Variants in KLHL18 observed in about 807,000 individuals in gnomAD.
KLHL18 encodes the protein kelch like family member 18.
Under a neutral mutation model 58.5 loss-of-function variants are expected in KLHL18, and 38 were observed. The observed-to-expected ratio is 0.65, with a 90% CI of 0.50 to 0.85. KLHL18 has a LOEUF of 0.85. Ranked by LOEUF, KLHL18 falls within the 40% of genes least tolerant of loss-of-function variation. The pLI, the probability that KLHL18 is intolerant of heterozygous loss-of-function variation, is 0.00. For missense variants in KLHL18, 624 were observed against 778.4 expected, an observed-to-expected ratio of 0.80 and a Z score of 2.36; for synonymous variants, 303 against 301.9, an observed-to-expected ratio of 1.00 and a Z score of -0.04.
intron 1 of KLHL18, among the ~76,000 whole-genome samples, chr3:47,296,211 T>A (rs295443): frequency 2.0e-5 from 3 of 152,280 alleles, no homozygotes; most frequent in South Asian, 4.1e-4. Context: ...CTCCCCTTAC[T>A]GGTCTGAGCA....
chr3:47,331,800 CA>C lies in KLHL18; in HGVS notation c.601-1356del, dbSNP rs535790644. Among the ~76,000 whole-genome samples, 11 of 150,650 alleles carry C rather than the reference CA, an allele frequency of 7.3e-5. No individual in the cohort carries two copies. In the East Asian group the frequency reaches 2.1e-3, roughly 29 times the overall value. Reference sequence around the variant, plus strand: ...TATTTGACTGCTGTTGGGAGTTTTCCAGAAGAGAGGGAAGAATTGATAATAT... The same window carrying C: ...TATTTGACTGCTGTTGGGAGTTTTCCGAAGAGAGGGAAGAATTGATAATAT... On this transcript the variant is annotated intron_variant, in intron 4 of 9. Coordinates refer to ENST00000232766, the MANE Select transcript of KLHL18 (RefSeq NM_025010.5).
At chr3:47,307,791 A>G (rs1172298374) in intron 1 of KLHL18, among the ~76,000 whole-genome samples, 1 of 152,108 alleles carries the variant, frequency 6.6e-6, no homozygotes, top group Non-Finnish European at 1.5e-5. Flanking sequence ...TCCCAACACC[A>G]TTTTTTAAGT....
intron 1 of KLHL18, among the ~76,000 whole-genome samples, chr3:47,309,826 C>G (rs1290797789): frequency 6.6e-6 from 1 of 152,128 alleles, no homozygotes; most frequent in Admixed American, 6.6e-5. Flanking sequence ...AGCGAAACCC[C>G]GTCTCCACCA....
intron 1 of KLHL18, among the ~76,000 whole-genome samples, chr3:47,304,583 G>A (rs547081727): frequency 1.3e-5 from 2 of 152,182 alleles, no homozygotes; most frequent in South Asian, 4.2e-4. Flanking sequence ...TTTAAATTTT[G>A]GTTTCCAAGT....
chr3:47,343,859 C>T lies in KLHL18; in HGVS notation c.1643C>T (p.Thr548Ile). ...LSSVEMYDPE[T>I]DCWTFMAPMA... Reference sequence around the variant, plus strand: ...TCAGTGGAGATGTATGACCCAGAGACAGACTGCTGGACATTCATGGCCCCC... The same window carrying T: ...TCAGTGGAGATGTATGACCCAGAGATAGACTGCTGGACATTCATGGCCCCC... Residue 548 changes from threonine to isoleucine, a missense_variant, in exon 10 of 10, where the codon ACA (threonine) becomes ATA (isoleucine). By Grantham distance (89) the Thr-to-Ile change is moderately conservative (BLOSUM62 -1). Transcript: ENST00000232766. The T allele has an allele frequency of 6.2e-7, 1 of 1,614,196 alleles. No homozygotes were observed. Among genetic ancestry groups the T allele is most frequent in the Non-Finnish European group, 8.5e-7 (1 of 1,180,040 alleles).
rs189520002 is a variant in KLHL18, at chr3:47,345,849, C to T, written c.*1908C>T. On this transcript the variant is annotated 3_prime_UTR_variant, in exon 10 of 10. Transcript: ENST00000232766. ...TCGCCATGTATTCAGAGGGAAGTAC[C>T]TTTGTTACCTACAACTTAGGAGCTA... The T allele has an allele frequency of 6.5e-6, 1 of 152,700 alleles. No individual in the cohort carries two copies. Among genetic ancestry groups the T allele is most frequent in the East Asian group, 1.9e-4 (1 of 5,180 alleles). The allele number at this position is 152,700 out of a possible 1,614,324, so 9.5% of individuals were successfully genotyped here. A position where few individuals can be genotyped will look rare whatever the true frequency, so the allele number is the denominator to read the frequency against.
chr3:47,302,405 A>C (rs966796693), intron 1 of KLHL18, among the ~76,000 whole-genome samples: 5 of 152,222 alleles, frequency 3.3e-5, no homozygotes, highest in Non-Finnish European at 7.3e-5. Flanking sequence ...GAATTGCTTA[A>C]ACCCAGGAGG....
intron 2 of KLHL18, 113 bp from the exon 3 acceptor site, chr3:47,322,455 A>G (rs1703610689): frequency 1.0e-6 from 1 of 1,002,192 alleles, no homozygotes; most frequent in Non-Finnish European, 1.4e-6. Context: ...ACTCCATTAG[A>G]TAGATTCTCA....
At chr3:47,333,372 G>T (rs967530427) in intron 5 of KLHL18, 55 bp downstream of exon 5, 2 of 1,539,160 alleles carry the variant, frequency 1.3e-6, no homozygotes, top group East Asian at 2.3e-5. Flanking sequence ...CAGGGAAGAG[G>T]AGTTGGCCAC....
chr3:47,315,634 C>T (rs886933406), intron 1 of KLHL18, among the ~76,000 whole-genome samples: 1 of 152,152 alleles, frequency 6.6e-6, no homozygotes, highest in Admixed American at 6.6e-5. Flanking sequence ...ATCAAATGGC[C>T]GATTCTTGCC....
intron 1 of KLHL18, among the ~76,000 whole-genome samples, chr3:47,295,429 C>G (rs887188651): frequency 3.3e-5 from 5 of 152,162 alleles, no homozygotes; most frequent in Non-Finnish European, 7.3e-5. Context: ...GGCCTTTGCT[C>G]TAGTGTTCCT....
intron 1 of KLHL18, 52 bp downstream of exon 1, chr3:47,283,146 G>T (rs1379994911): frequency 2.4e-6 from 3 of 1,271,860 alleles, no homozygotes; most frequent in African/African-American, 3.0e-5. Flanking sequence ...CGAGCGGGGA[G>T]TAAAAAGGGG....
intron 1 of KLHL18, among the ~76,000 whole-genome samples, chr3:47,307,655 G>A (rs1703182630): frequency 1.3e-5 from 2 of 151,870 alleles, no homozygotes; most frequent in Admixed American, 1.3e-4. Flanking sequence ...CTCCCAAAGT[G>A]TTGGGATTGT....
intron 1 of KLHL18, among the ~76,000 whole-genome samples, chr3:47,288,565 A>G (rs1265588907): frequency 6.6e-6 from 1 of 152,232 alleles, no homozygotes; most frequent in African/African-American, 2.4e-5. Flanking sequence ...ATTAGCAGGC[A>G]TGCCACATTC....
chr3:47,308,051 C>A (rs1327460694), intron 1 of KLHL18, among the ~76,000 whole-genome samples: 1 of 152,096 alleles, frequency 6.6e-6, no homozygotes, highest in Non-Finnish European at 1.5e-5. Flanking sequence ...CTTATTCTTA[C>A]CCACCAGCTT....
At chr3:47,330,703 G>A (rs1412296951) in intron 4 of KLHL18, among the ~76,000 whole-genome samples, 3 of 152,144 alleles carry the variant, frequency 2.0e-5, no homozygotes, top group East Asian at 1.9e-4. Context: ...TAATCCTCCT[G>A]TGAACCAGAA....
intron 1 of KLHL18, among the ~76,000 whole-genome samples, chr3:47,294,891 A>G (rs1261030368): frequency 1.3e-5 from 2 of 152,146 alleles, no homozygotes; most frequent in Non-Finnish European, 2.9e-5. Context: ...CGGAGCCAGA[A>G]GACTAATTCT....
At chr3:47,290,430 G>A (rs1360520875) in intron 1 of KLHL18, among the ~76,000 whole-genome samples, 15 of 151,404 alleles carry the variant, frequency 9.9e-5, no homozygotes, top group Admixed American at 9.9e-4. Context: ...ATGTAGTTAG[G>A]TTTATCTCTC....
At chr3:47,297,010 G>C (rs774933814) in intron 1 of KLHL18, among the ~76,000 whole-genome samples, 20 of 152,144 alleles carry the variant, frequency 1.3e-4, no homozygotes, top group Non-Finnish European at 2.2e-4. Context: ...AGTAGGAAGT[G>C]GGGGGAGGGT....
Sources: gnomAD v4.1 joint callset for allele counts (sites outside exome capture counted in the v4.1 genomes callset) on GRCh38, gnomAD v4.1.1 for gene constraint, MANE v1.5 for transcripts, NCBI Gene and HGNC (gene_info 2026-07-23, HGNC 2026-07-21) for gene names.